The following DCTN4 variants were observed in gnomAD, a reference collection of about 807,000 sequenced individuals.
DCTN4 encodes the protein dynactin 4 (p62).
Under a neutral mutation model 62.7 loss-of-function variants are expected in DCTN4, and 23 were observed. The observed-to-expected ratio is 0.37, with a 90% CI of 0.26 to 0.52. The LOEUF (loss-of-function observed/expected upper bound fraction) is 0.52. Among genes scored for constraint, DCTN4 ranks in the 20% least tolerant of loss-of-function variants. The probability of loss-of-function intolerance (pLI) is 0.92; values close to 1 mark genes in which losing one functional copy is unlikely to be tolerated. For synonymous variants in DCTN4, 199 were observed against 202.1 expected (o/e 0.98, Z 0.13); for missense variants, 514 against 580.4 (o/e 0.89, Z 1.18).
At chr5:150,728,387 G>A (rs1561695713) in intron 8 of DCTN4, among the ~76,000 whole-genome samples, 1 of 152,066 alleles carries the variant, frequency 6.6e-6, no homozygotes, top group Non-Finnish European at 1.5e-5. Flanking sequence ...CAGACATTGG[G>A]TACAGTAGTC....
chr5:150,721,079 C>T (rs770338415), intron 9 of DCTN4, among the ~76,000 whole-genome samples: 2 of 152,166 alleles, frequency 1.3e-5, no homozygotes, highest in Non-Finnish European at 2.9e-5. Context: ...AAGAGGAATA[C>T]ATTATTCCCA....
At position 150,758,969 on chromosome 5, in the gene DCTN4, G is replaced by T. The variant is rs1271434084; in HGVS notation, c.25C>A (p.Arg9=). The T allele has an allele frequency of 5.6e-6, 9 of 1,614,110 alleles. No individual in the cohort carries two copies. The highest frequency in any genetic ancestry group is 7.6e-6 in the Non-Finnish European group (9 of 1,179,982). ...TCTCCCTGGACTAGATAGAGAACCC[G>T]GTCCGACTGCAGCAAGGACGCCATC... MASLLQSD[R]VLYLVQGEKK... is the part of the protein sequence containing the mutation. The change falls in exon 1 of 13, where the codon CGG becomes AGG. Residue 9 remains arginine (R), a synonymous_variant. Coordinates refer to ENST00000447998, the MANE Select transcript of DCTN4 (RefSeq NM_016221.4).
intron 3 of DCTN4, among the ~76,000 whole-genome samples, chr5:150,743,668 A>T (rs1294796093): frequency 6.6e-6 from 1 of 152,166 alleles, no homozygotes; most frequent in East Asian, 1.9e-4. Context: ...TGCAGACACC[A>T]CTGCTGATAC....
intron 9 of DCTN4, 120 bp downstream of exon 9, chr5:150,722,787 T>C: frequency 9.1e-6 from 6 of 662,926 alleles, no homozygotes; most frequent in Non-Finnish European, 1.3e-5. Flanking sequence ...AATGTCAAGA[T>C]TATTTTGATG....
intron 1 of DCTN4, chr5:150,758,530 C>G: frequency 2.0e-6 from 2 of 1,022,230 alleles, no homozygotes; most frequent in Non-Finnish European, 2.3e-6. Flanking sequence ...TTTTTCGCCC[C>G]TTAAGTGGCC....
chr5:150,713,544 A>G (rs1759649260), intron 12 of DCTN4, among the ~76,000 whole-genome samples: 1 of 151,256 alleles, frequency 6.6e-6, no homozygotes. Flanking sequence ...CTAGGGTTCA[A>G]GTGATTCTCC....
chr5:150,723,807 T>C lies in DCTN4; in HGVS notation c.835-827A>G, dbSNP rs182729326. Among the ~76,000 whole-genome samples the C allele has an allele frequency of 9.8e-5, 15 of 152,356 alleles. No individual in the cohort carries two copies. The East Asian group carries it at 2.1e-3, about 22-fold the overall frequency. On this transcript the variant is annotated intron_variant, in intron 8 of 12. Coordinates refer to ENST00000447998, the MANE Select transcript of DCTN4 (RefSeq NM_016221.4). Reference sequence around the variant, plus strand: ...GTACAAGCATACATCACCTTGCTTTTTTCACAATAACACAAAAGGGAACAT... The same window carrying C: ...GTACAAGCATACATCACCTTGCTTTCTTCACAATAACACAAAAGGGAACAT...
intron 3 of DCTN4, among the ~76,000 whole-genome samples, chr5:150,748,704 G>T (rs868697206): frequency 6.8e-6 from 1 of 146,588 alleles, no homozygotes; most frequent in African/African-American, 2.5e-5. Context: ...ACCAAACACC[G>T]CATGTTCTCA....
intron 7 of DCTN4, 106 bp downstream of exon 7, chr5:150,730,935 TTAC>T (rs779933769): frequency 6.8e-5 from 54 of 793,008 alleles, no homozygotes; most frequent in Non-Finnish European, 1.1e-4. Context: ...CATATTGTTT[TTAC>T]TACTAACAGC....
intron 11 of DCTN4, among the ~76,000 whole-genome samples, chr5:150,715,916 T>G (rs73278028): frequency 0.049 from 7,401 of 152,228 alleles, 602 homozygotes; most frequent in African/African-American, 0.17. Flanking sequence ...TATTATTTAT[T>G]TTTTTGAGAT....
At chr5:150,718,201 G>C (rs1192399469) in intron 11 of DCTN4, 75 bp downstream of exon 11, 2 of 947,824 alleles carry the variant, frequency 2.1e-6, no homozygotes, top group African/African-American at 3.4e-5. Context: ...AGTGTGTGGA[G>C]TCTTTTAAGC....
At position 150,730,695 on chromosome 5, in the gene DCTN4, A is replaced by G; in HGVS notation, c.770T>C (p.Val257Ala). ...GCGAGGATAGAGCTGTGAAGCACAG[A>G]CTGGCTGGAAGTCAGGCTGTAACAG... ...QRLLQPDFQP[V>A]CASQLYPRHK... Residue 257 changes from valine (V) to alanine (A), a missense_variant, in exon 8 of 13, where the codon GTC becomes GCC. Coordinates refer to ENST00000447998, the MANE Select transcript of DCTN4 (RefSeq NM_016221.4). 1 of 1,614,136 alleles carries G rather than the reference A, an allele frequency of 6.2e-7. No individual in the cohort carries two copies. Among genetic ancestry groups the G allele is most frequent in the Non-Finnish European group, 8.5e-7 (1 of 1,179,996 alleles).
At chr5:150,727,037 T>G (rs1760170380) in intron 8 of DCTN4, among the ~76,000 whole-genome samples, 1 of 152,160 alleles carries the variant, frequency 6.6e-6, no homozygotes, top group Non-Finnish European at 1.5e-5. Flanking sequence ...AATAATATGG[T>G]GCCACTGCAG....
At chr5:150,717,312 C>T (rs1263503126) in intron 11 of DCTN4, among the ~76,000 whole-genome samples, 4 of 152,148 alleles carry the variant, frequency 2.6e-5, no homozygotes, top group African/African-American at 4.8e-5. Flanking sequence ...TGCAGTGGCG[C>T]GATCTCAGCT....
At chr5:150,712,581 C>G (rs1197662638) in intron 12 of DCTN4, among the ~76,000 whole-genome samples, 1 of 152,212 alleles carries the variant, frequency 6.6e-6, no homozygotes, top group Non-Finnish European at 1.5e-5. Context: ...GCATGAGCCA[C>G]CATGCCTGGC....
intron 2 of DCTN4, chr5:150,755,397 A>G (rs947129598): frequency 8.2e-6 from 3 of 366,912 alleles, no homozygotes; most frequent in African/African-American, 6.4e-5. Context: ...ACAAAAAAAG[A>G]AGGAAAAGCA....
rs61106544 is a variant in DCTN4, at chr5:150,729,042, C to CTTT, written c.834+1586_834+1588dup. 3.2e-3 allele frequency among the ~76,000 whole-genome samples: 168 copies of CTTT among 52,120 alleles called. 21 individuals carry two copies. The highest frequency in any genetic ancestry group is 4.6e-3 in the African/African-American group (60 of 13,112). 34.2% of individuals were successfully genotyped at this position (52,120 alleles called of 152,430 possible). ...ACAAGTGTGTGAACCACCACACTGG[C>CTTT]TTTTTTTTTTTTTTTTTTTTTTTTT... On this transcript the variant is annotated intron_variant, in intron 8 of 12. Transcript: ENST00000447998.
rs756045295 is a variant in DCTN4 at position 150,718,360 on chromosome 5, A to G, written c.987T>C (p.Leu329=). 6.8e-6 allele frequency: 11 copies of G among 1,613,912 alleles called. No homozygotes were observed. Among genetic ancestry groups the G allele is most frequent in the Non-Finnish European group, 9.3e-6 (11 of 1,179,934 alleles). Reference sequence around the variant, plus strand: ...GGGTGAGGTTCTCAACTGGATTTGTAAGAGTCAGGAGGACCTGGCTCTCCT... The same window carrying G: ...GGGTGAGGTTCTCAACTGGATTTGTGAGAGTCAGGAGGACCTGGCTCTCCT... ...YMKESQVLLT[L]TNPVENLTHV... Residue 329 remains leucine, a synonymous_variant, in exon 11 of 13, where the codon CTT becomes CTC. Transcript: ENST00000447998.
At chr5:150,731,251 G>T in intron 6 of DCTN4, 95 bp from the exon 7 acceptor site, 1 of 983,996 alleles carries the variant, frequency 1.0e-6, no homozygotes. Flanking sequence ...AATAATTGAA[G>T]TATTCCTCTG....
Sources: gnomAD v4.1 joint callset for allele counts (sites outside exome capture counted in the v4.1 genomes callset) on GRCh38, gnomAD v4.1.1 for gene constraint, MANE v1.5 for transcripts, NCBI Gene and HGNC (gene_info 2026-07-23, HGNC 2026-07-21) for gene names.